ZNF763: variants seen among roughly 807,000 people sequenced by gnomAD.
ZNF763 encodes zinc finger protein 763.
In ZNF763, 33 loss-of-function variants were observed where a neutral mutation model predicts 38.0. That is an observed-to-expected ratio of 0.87 (90% CI 0.66 to 1.16). ZNF763 has a LOEUF of 1.16. Among genes scored for constraint, ZNF763 ranks in the 50% most tolerant of loss-of-function variants. ZNF763 has a pLI of 0.00. For synonymous variants in ZNF763, 155 were observed against 160.1 expected, an observed-to-expected ratio of 0.97 and a Z score of 0.24; for missense variants, 423 against 469.1, an observed-to-expected ratio of 0.90 and a Z score of 0.91.
Position 11,978,647 on chromosome 19 carries a change from T to C in ZNF763, c.723T>C (p.Ala241=). Residue 241 remains alanine (A), a synonymous_variant, in exon 4 of 4, where the codon GCT becomes GCC. Transcript: ENST00000358987. ...KQCVKSFSYS[A]THRIHERTHT... Reference sequence around the variant, plus strand: ...GTGTTAAATCCTTTAGTTATTCTGCTACCCATCGAATACATGAAAGAACTC... The same window carrying C: ...GTGTTAAATCCTTTAGTTATTCTGCCACCCATCGAATACATGAAAGAACTC... 4 of 1,614,074 alleles carry C rather than the reference T, an allele frequency of 2.5e-6. No homozygotes were observed. The highest frequency in any genetic ancestry group is 3.4e-6 in the Non-Finnish European group (4 of 1,179,976).
At chr19:11,967,727 A>G (rs1973266652) in intron 1 of ZNF763, among the ~76,000 whole-genome samples, 1 of 152,188 alleles carries the variant, frequency 6.6e-6, no homozygotes, top group South Asian at 2.1e-4. Context: ...TAAAAAAAGA[A>G]AAAAGAAAAA....
At chr19:11,976,986 C>G (rs377034650) in intron 1 of ZNF763, 52 bp from the exon 2 acceptor site, 1 of 1,610,116 alleles carries the variant, frequency 6.2e-7, no homozygotes, top group Non-Finnish European at 8.5e-7. Context: ...AGTCTAGGCC[C>G]CCACTGCTGT....
chr19:11,966,772 G>A (rs1383667497), intron 1 of ZNF763, among the ~76,000 whole-genome samples: 2 of 152,124 alleles, frequency 1.3e-5, no homozygotes, highest in South Asian at 4.1e-4. Context: ...CAGAGATGCA[G>A]TTGCCTTATT....
At chr19:11,976,896 A>G in intron 1 of ZNF763, 142 bp from the exon 2 acceptor site, 1 of 1,518,050 alleles carries the variant, frequency 6.6e-7, no homozygotes. Context: ...TATGGAAGAA[A>G]GTACAGAAAG....
chr19:11,969,399 C>T (rs75921507), intron 1 of ZNF763, among the ~76,000 whole-genome samples: 2,966 of 152,286 alleles, frequency 0.019, 74 homozygotes, highest in African/African-American at 0.059. Flanking sequence ...GTCACTGCAC[C>T]GGGCCTGACT....
rs973827687 is a variant in ZNF763 at position 11,976,360 on chromosome 19, G to A, written c.4-678G>A. 2.0e-5 allele frequency among the ~76,000 whole-genome samples: 3 copies of A among 151,714 alleles called. No homozygotes were observed. In the South Asian group the frequency reaches 6.2e-4, roughly 32 times the overall value. On this transcript the variant is annotated intron_variant, in intron 1 of 3. Transcript: ENST00000358987. ...AATGCACACATTTTCCCAACCCACT[G>A]TGGCTTTACCCCTTGTTGAGTTCTA...
chr19:11,973,735 TA>T (rs1168082881), intron 1 of ZNF763, among the ~76,000 whole-genome samples: 16 of 150,094 alleles, frequency 1.1e-4, no homozygotes, highest in African/African-American at 3.2e-4. Context: ...TTTTTTTTTT[TA>T]AAGACTCACC....
At chr19:11,973,321 T>C (rs907548652) in intron 1 of ZNF763, among the ~76,000 whole-genome samples, 12 of 152,228 alleles carry the variant, frequency 7.9e-5, no homozygotes, top group Non-Finnish European at 1.5e-4. Context: ...GACTTGCTTC[T>C]TTCATGTAAA....
At chr19:11,974,196 CTCT>C (rs796223429) in intron 1 of ZNF763, among the ~76,000 whole-genome samples, 4,633 of 21,814 alleles carry the variant, frequency 0.21, 464 homozygotes, top group African/African-American at 0.45. Context: ...CTTTCTTTCT[CTCT>C]TTTTTTTTGT....
rs1973556670 is a variant in ZNF763, at chr19:11,978,856, C to T, written c.932C>T (p.Pro311Leu). The T allele has an allele frequency of 1.2e-6, 2 of 1,614,012 alleles. No homozygotes were observed. The highest frequency in any genetic ancestry group is 3.3e-5 in the Admixed American group (2 of 59,994). The change falls in exon 4 of 4, where the codon CCC becomes CTC. Residue 311 changes from proline to leucine, a missense_variant. By Grantham distance (98) the Pro-to-Leu change is moderately conservative (BLOSUM62 -3). Transcript: ENST00000358987. Reference sequence around the variant, plus strand: ...GAAAGAACTCACACTGGGGAGAAGCCCTGTGAATGTAGCAAATGTAATAAA... The same window carrying T: ...GAAAGAACTCACACTGGGGAGAAGCTCTGTGAATGTAGCAAATGTAATAAA... ...IHERTHTGEK[P>L]CECSKCNKAF...
chr19:11,979,704 A>G lies in ZNF763; in HGVS notation c.*595A>G. On this transcript the variant is annotated 3_prime_UTR_variant, in exon 4 of 4. Transcript: ENST00000358987. The stretch of plus-strand genomic sequence containing the variant: ...CATGCTGGGACTCACCCTGAAGAGA[A>G]GCCCTACGAGTGTAAGCAATGTGGG... The G allele has an allele frequency of 6.2e-7, 1 of 1,600,494 alleles. No individual in the cohort carries two copies.
Position 11,978,797 on chromosome 19 carries a change from A to T in ZNF763, c.873A>T (p.Lys291Asn). ...CATATGAATGTAAACAATGTGGCAA[A>T]TCCTTCAGTTGGTGTCATTCCTTTC... ...GKPYECKQCG[K>N]SFSWCHSFQI... The change falls in exon 4 of 4, where the codon AAA (lysine) becomes AAT (asparagine). Residue 291 changes from lysine (K) to asparagine (N), a missense_variant. By Grantham distance (94) the Lys-to-Asn change is moderately conservative. Coordinates refer to ENST00000358987, the MANE Select transcript of ZNF763 (RefSeq NM_001367172.2). 2.5e-6 allele frequency: 4 copies of T among 1,614,164 alleles called. No individual in the cohort carries two copies. Among genetic ancestry groups the T allele is most frequent in the Non-Finnish European group, 3.4e-6 (4 of 1,180,008 alleles).
intron 1 of ZNF763, among the ~76,000 whole-genome samples, chr19:11,972,406 AT>A: frequency 6.6e-6 from 1 of 152,230 alleles, no homozygotes. Context: ...ACTGAGATTT[AT>A]TTTTGTATAA....
rs1046082023 is a variant in ZNF763, at chr19:11,979,841, C to T, written c.*732C>T. 17 of 1,538,554 alleles carry T rather than the reference C, an allele frequency of 1.1e-5. No homozygotes were observed. Among genetic ancestry groups the T allele is most frequent in the Admixed American group, 3.4e-5 (2 of 59,108 alleles). On this transcript the variant is annotated 3_prime_UTR_variant, in exon 4 of 4. Transcript: ENST00000358987. ...AGCCTTCAGATCTGCCAAGAACCTT[C>T]GAATTCATGAAAGGACACAAACACA...
chr19:11,965,336 G>T, intron 1 of ZNF763, 125 bp downstream of exon 1: 1 of 1,359,830 alleles, frequency 7.4e-7, no homozygotes, highest in Non-Finnish European at 1.0e-6. Context: ...AGTCCTCCTG[G>T]AGCTGCTCGG....
chr19:11,979,839 T>TTCGAA lies in ZNF763; in HGVS notation c.*732_*736dup. The TTCGAA allele has an allele frequency of 6.5e-7, 1 of 1,541,916 alleles. No individual in the cohort carries two copies. Among genetic ancestry groups the TTCGAA allele is most frequent in the Non-Finnish European group, 8.9e-7 (1 of 1,117,748 alleles). Reference sequence around the variant, plus strand: ...AAAGCCTTCAGATCTGCCAAGAACCTTCGAATTCATGAAAGGACACAAACA... The same window carrying TTCGAA: ...AAAGCCTTCAGATCTGCCAAGAACCTTCGAATCGAATTCATGAAAGGACACAAACA... On this transcript the variant is annotated 3_prime_UTR_variant, in exon 4 of 4. Transcript: ENST00000358987.
At chr19:11,974,341 C>T (rs778299191) in intron 1 of ZNF763, among the ~76,000 whole-genome samples, 4 of 151,044 alleles carry the variant, frequency 2.6e-5, no homozygotes, top group Non-Finnish European at 5.9e-5. Flanking sequence ...GGATTACAGG[C>T]GTGGTCCTCC....
In ZNF763 at chr19:11,979,722, A is replaced by G; in HGVS notation, c.*613A>G. On this transcript the variant is annotated 3_prime_UTR_variant, in exon 4 of 4. Transcript: ENST00000358987. ...GAAGAGAAGCCCTACGAGTGTAAGC[A>G]ATGTGGGAAAGCCTTCAGATCTGCC... 10 of 1,598,790 alleles carry G rather than the reference A, an allele frequency of 6.3e-6. No homozygotes were observed. The highest frequency in any genetic ancestry group is 1.3e-5 in the African/African-American group (1 of 74,386).
rs146313569 is a variant in ZNF763 at position 11,965,332 on chromosome 19, CCT to C, written c.3+122_3+123del. 3.6e-3 allele frequency: 4,987 copies of C among 1,391,472 alleles called. 151 individuals are homozygous for C. In the African/African-American group the frequency reaches 0.06, roughly 17 times the overall value. The allele number at this position is 1,391,472 out of a possible 1,614,324, so 86.2% of individuals were successfully genotyped here. A position where few individuals can be genotyped will look rare whatever the true frequency, so the allele number is the denominator to read the frequency against. On this transcript the variant is annotated intron_variant, in intron 1 of 3. Coordinates refer to ENST00000358987, the MANE Select transcript of ZNF763 (RefSeq NM_001367172.2). ...ACTCCAGGGTCTGGGACCGAGTCCTCCTGGAGCTGCTCGGCCCTCGGTCCCCT... is the reference window on the plus strand; with the variant it reads ...ACTCCAGGGTCTGGGACCGAGTCCTCGGAGCTGCTCGGCCCTCGGTCCCCT...
Sources: allele counts gnomAD v4.1 joint callset (sites outside exome capture counted in the v4.1 genomes callset), GRCh38; gene constraint gnomAD v4.1.1; transcripts MANE v1.5; gene names NCBI Gene and HGNC (gene_info 2026-07-23, HGNC 2026-07-21).